The following PARN variants were observed in gnomAD, a reference collection of about 807,000 sequenced individuals.
The protein encoded by PARN is poly(A)-specific ribonuclease, also known as poly(A)-specific ribonuclease PARN.
A neutral mutation model predicts 102.8 loss-of-function variants in PARN; 71 were observed. The ratio of observed to expected loss-of-function variants is 0.69; its 90% confidence interval spans 0.57 to 0.84. The LOEUF (loss-of-function observed/expected upper bound fraction) is 0.84. PARN is among the 40% of genes least tolerant of loss of function. PARN has a pLI of 0.00. For synonymous variants in PARN, 261 were observed against 252.9 expected (o/e 1.03, Z -0.30); for missense variants, 782 against 760.9 (o/e 1.03, Z -0.33).
intron 6 of PARN, among the ~76,000 whole-genome samples, chr16:14,613,760 G>A (rs772935994): frequency 6.6e-6 from 1 of 152,174 alleles, no homozygotes; most frequent in East Asian, 1.9e-4. Context: ...GGCAAAAAAA[G>A]TGGTCCACGT....
intron 5 of PARN, among the ~76,000 whole-genome samples, chr16:14,626,636 G>C (rs1265799315): frequency 6.7e-6 from 1 of 149,104 alleles, no homozygotes; most frequent in African/African-American, 2.5e-5. Flanking sequence ...TTTTGAGCCA[G>C]AGTCTCGCTC....
chr16:14,446,899 A>C lies in PARN; in HGVS notation c.1853T>G (p.Leu618Arg), dbSNP rs925141238. 1.2e-6 allele frequency: 2 copies of C among 1,609,224 alleles called. No individual in the cohort carries two copies. Among genetic ancestry groups the C allele is most frequent in the African/African-American group, 2.7e-5 (2 of 74,724 alleles). ...AKKLKRMKKELSPAGSISKNS... is the reference protein window; with the variant it reads ...AKKLKRMKKERSPAGSISKNS... ...GATCCAATACAAACCTGCTGGAGAA[A>C]GCTCCTTCTTCATTCTTTTTAATTT... is the stretch of plus-strand genomic sequence containing the variant. The change falls in exon 23 of 24, where the codon CTT (leucine) becomes CGT (arginine). Residue 618 changes from leucine to arginine, a missense_variant. Physicochemically the swap from Leu to Arg is moderately radical, Grantham distance 102. Coordinates refer to ENST00000437198, the MANE Select transcript of PARN (RefSeq NM_002582.4).
At chr16:14,468,875 CTAAATAGATAGATAGA>C (rs1962531179) in intron 22 of PARN, among the ~76,000 whole-genome samples, 1 of 92,488 alleles carries the variant, frequency 1.1e-5, no homozygotes, top group Non-Finnish European at 2.2e-5. Flanking sequence ...GATCCCATTA[CTAAATAGATAGATAGA>C]TAGATAGATA....
chr16:14,443,872 G>A (rs118173317), intron 23 of PARN, among the ~76,000 whole-genome samples: 444 of 152,212 alleles, frequency 2.9e-3, no homozygotes, highest in Non-Finnish European at 4.3e-3. Flanking sequence ...TCTGAGTACT[G>A]GAGCTCACAC....
At chr16:14,450,198 A>T (rs1040667969) in intron 22 of PARN, among the ~76,000 whole-genome samples, 3 of 152,264 alleles carry the variant, frequency 2.0e-5, no homozygotes, top group Non-Finnish European at 4.4e-5. Context: ...ATGTGCAAAA[A>T]GCAAAGTGCA....
At position 14,610,660 on chromosome 16, in the gene PARN, ACTT is replaced by A. The variant is rs1971470472; in HGVS notation, c.535_537del (p.Lys179del). 1.9e-6 allele frequency: 3 copies of A among 1,609,248 alleles called. No individual in the cohort carries two copies. Among genetic ancestry groups the A allele is most frequent in the Non-Finnish European group, 2.6e-6 (3 of 1,175,756 alleles). On this transcript the variant is annotated inframe_deletion, in exon 7 of 24. Coordinates refer to ENST00000437198, the MANE Select transcript of PARN (RefSeq NM_002582.4). ...GGAACTTACACCACTTGGTCAATAA[ACTT>A]CTTTTGATCCTCAGGAATCGTGACA...
At chr16:14,556,465 A>G (rs910731683) in intron 18 of PARN, among the ~76,000 whole-genome samples, 6 of 152,208 alleles carry the variant, frequency 3.9e-5, no homozygotes, top group African/African-American at 1.4e-4. Context: ...AGCCATGTAA[A>G]ATCATTTCTA....
chr16:14,480,299 G>C (rs111318900), intron 22 of PARN, among the ~76,000 whole-genome samples: 18 of 152,278 alleles, frequency 1.2e-4, no homozygotes, highest in Admixed American at 4.6e-4. Flanking sequence ...CTGTACTCCA[G>C]CCTAGACAAC....
intron 21 of PARN, among the ~76,000 whole-genome samples, chr16:14,524,656 A>G (rs774617397): frequency 2.0e-5 from 3 of 151,766 alleles, no homozygotes; most frequent in Non-Finnish European, 2.9e-5. Context: ...CCACTAGAAT[A>G]TAATTTCCCA....
At chr16:14,519,333 G>C in intron 21 of PARN, among the ~76,000 whole-genome samples, 1 of 113,514 alleles carries the variant, frequency 8.8e-6, no homozygotes, top group Non-Finnish European at 1.9e-5. Flanking sequence ...GGGGACGTGA[G>C]TGGAGGGTGG....
chr16:14,488,428 T>A (rs928401927), intron 21 of PARN, among the ~76,000 whole-genome samples: 2 of 152,178 alleles, frequency 1.3e-5, no homozygotes, highest in Non-Finnish European at 2.9e-5. Flanking sequence ...CAGAAGACAC[T>A]TTAAAGAGAA....
chr16:14,582,331 C>G, intron 16 of PARN, 40 bp from the exon 17 acceptor site: 1 of 1,310,500 alleles, frequency 7.6e-7, no homozygotes, highest in Non-Finnish European at 1.1e-6. Flanking sequence ...AAAACAAAGA[C>G]TAGTAAGCAC....
intron 21 of PARN, among the ~76,000 whole-genome samples, chr16:14,542,558 C>CA (rs1208288632): frequency 7.4e-6 from 1 of 135,798 alleles, no homozygotes; most frequent in African/African-American, 2.6e-5. Context: ...GCCAGGAACT[C>CA]AAAAAAATTA....
chr16:14,586,503 G>C, intron 13 of PARN, 142 bp from the exon 14 acceptor site: 1 of 562,458 alleles, frequency 1.8e-6, no homozygotes, highest in Non-Finnish European at 3.2e-6. Flanking sequence ...CCCATTTCTA[G>C]TTAACAAGTA....
Position 14,628,255 on chromosome 16 carries a change from G to A in PARN, c.98-4C>T. 1 of 1,566,954 alleles carries A rather than the reference G, an allele frequency of 6.4e-7. No homozygotes were observed. Reference sequence around the variant, plus strand: ...ACTGAAGGTCCATCACTGATTCCTAGATTTTAAGAAATAAAAATTTTTAGC... The same window carrying A: ...ACTGAAGGTCCATCACTGATTCCTAAATTTTAAGAAATAAAAATTTTTAGC... On this transcript the variant is annotated splice_region_variant and splice_polypyrimidine_tract_variant and intron_variant, in intron 2 of 23. Coordinates refer to ENST00000437198, the MANE Select transcript of PARN (RefSeq NM_002582.4).
intron 21 of PARN, among the ~76,000 whole-genome samples, chr16:14,494,122 G>A (rs1964191934): frequency 6.6e-6 from 1 of 152,202 alleles, no homozygotes; most frequent in South Asian, 2.1e-4. Flanking sequence ...CACACGTTCT[G>A]CAGGACTGAC....
intron 22 of PARN, among the ~76,000 whole-genome samples, chr16:14,474,895 T>C (rs1325449048): frequency 6.6e-6 from 1 of 152,226 alleles, no homozygotes. Context: ...TCTGGTGAAT[T>C]AGAATTCTCC....
chr16:14,610,342 G>A (rs969042900), intron 7 of PARN, among the ~76,000 whole-genome samples: 1 of 151,682 alleles, frequency 6.6e-6, no homozygotes, highest in Non-Finnish European at 1.5e-5. Flanking sequence ...GTGTGGTGGT[G>A]CACGCCTATA....
intron 21 of PARN, among the ~76,000 whole-genome samples, chr16:14,528,642 C>T (rs1426340152): frequency 1.3e-5 from 2 of 152,258 alleles, no homozygotes; most frequent in East Asian, 1.9e-4. Flanking sequence ...TGGACATTTA[C>T]CGAGCAGCTA....
Sources: gnomAD v4.1 joint callset for allele counts (sites outside exome capture counted in the v4.1 genomes callset) on GRCh38, gnomAD v4.1.1 for gene constraint, MANE v1.5 for transcripts, NCBI Gene and HGNC (gene_info 2026-07-23, HGNC 2026-07-21) for gene names.